Variants in YWHAQ observed in about 807,000 individuals in gnomAD.
The protein encoded by YWHAQ is tyrosine 3-monooxygenase/tryptophan 5-monooxygenase activation protein theta, also known as 14-3-3 protein theta.
A neutral mutation model predicts 28.3 loss-of-function variants in YWHAQ; 6 were observed. The observed-to-expected ratio is 0.21, with a 90% CI of 0.12 to 0.42. The LOEUF (loss-of-function observed/expected upper bound fraction) is 0.42, where lower values mean the gene tolerates loss of function less well. YWHAQ is among the 10% of genes least tolerant of loss of function. The pLI is 1.00. For missense variants in YWHAQ, 201 were observed against 305.6 expected (o/e 0.66, Z 2.55); for synonymous variants, 143 against 119.1 (o/e 1.20, Z -1.31).
At chr2:9,595,929 G>T (rs535950049) in intron 2 of YWHAQ, among the ~76,000 whole-genome samples, 1 of 152,120 alleles carries the variant, frequency 6.6e-6, no homozygotes, top group East Asian at 1.9e-4. Context: ...TCCTTTTTGA[G>T]AATTTGAAAA....
rs79986279 is a variant in YWHAQ at position 9,623,495 on chromosome 2, C to T, written c.294+6664G>A. Among the ~76,000 whole-genome samples, 605 of 152,276 alleles carry T rather than the reference C, an allele frequency of 4.0e-3. 5 individuals carry two copies. The highest frequency in any genetic ancestry group is 0.013 in the African/African-American group (544 of 41,552). ...CTGCATTAAAAGTCTGAACCACGGC[C>T]GGGTGCAGTGGCTCACGCCTATAAT... On this transcript the variant is annotated intron_variant, in intron 2 of 5. Coordinates refer to ENST00000238081, the MANE Select transcript of YWHAQ (RefSeq NM_006826.4).
chr2:9,602,424 A>G (rs1256575822), intron 2 of YWHAQ, among the ~76,000 whole-genome samples: 2 of 152,138 alleles, frequency 1.3e-5, no homozygotes, highest in East Asian at 3.9e-4. Context: ...CAATAAATAA[A>G]TAAATAAAAA....
chr2:9,596,803 A>G (rs953782133), intron 2 of YWHAQ, among the ~76,000 whole-genome samples: 6 of 152,076 alleles, frequency 3.9e-5, no homozygotes, highest in African/African-American at 1.4e-4. Flanking sequence ...TCCCGGTTCA[A>G]GCGATTCTTT....
intron 2 of YWHAQ, among the ~76,000 whole-genome samples, chr2:9,605,432 C>G (rs1666804406): frequency 6.6e-6 from 1 of 152,164 alleles, no homozygotes; most frequent in African/African-American, 2.4e-5. Context: ...CACCACACCC[C>G]AGCCTCTGCT....
intron 2 of YWHAQ, among the ~76,000 whole-genome samples, chr2:9,610,963 T>C (rs1488725115): frequency 1.3e-5 from 2 of 152,184 alleles, no homozygotes; most frequent in African/African-American, 4.8e-5. Flanking sequence ...TCTCCCTGCC[T>C]TCTATATTTA....
chr2:9,620,595 A>C (rs1428806730), intron 2 of YWHAQ: 1 of 152,212 alleles, frequency 6.6e-6, no homozygotes, highest in African/African-American at 2.4e-5. Flanking sequence ...TATTAACTTC[A>C]TATTATCCTT....
intron 2 of YWHAQ, among the ~76,000 whole-genome samples, chr2:9,609,679 A>G (rs1481206532): frequency 6.6e-6 from 1 of 152,250 alleles, no homozygotes; most frequent in Non-Finnish European, 1.5e-5. Flanking sequence ...CATTACCATA[A>G]AGGAAGAAAC....
In YWHAQ at chr2:9,630,859, C is replaced by G. The variant is rs1297107004; in HGVS notation, c.-83+82G>C. 1.3e-5 allele frequency: 2 copies of G among 152,588 alleles called. No individual in the cohort carries two copies. The highest frequency in any genetic ancestry group is 4.8e-5 in the African/African-American group (2 of 41,450). The allele number at this position is 152,588 out of a possible 1,614,324, so 9.5% of individuals were successfully genotyped here. ...TGAGGGGAGCGGCATCGACAACCGG[C>G]TGCTCTCAAGGGCGGCACCTCCGCC... On this transcript the variant is annotated intron_variant, in intron 1 of 5. Transcript: ENST00000238081. The surrounding 1 kb of genome is among the most constrained non-coding windows in gnomAD (Gnocchi z 5.6).
Position 9,588,211 on chromosome 2 carries a change from T to C in YWHAQ, c.536A>G (p.Tyr179Cys), listed in dbSNP as rs1464445429. 5.0e-6 allele frequency: 8 copies of C among 1,593,576 alleles called. No individual in the cohort carries two copies. The highest frequency in any genetic ancestry group is 3.7e-5 in the Admixed American group (2 of 54,490). Residue 179 changes from tyrosine to cysteine, a missense_variant, in exon 4 of 6, where the codon TAT becomes TGT. Physicochemically the swap from Tyr to Cys is radical, Grantham distance 194. Transcript: ENST00000238081. ...AAGCTCTGGGTTATTAAGAATCTCATAGTAAAATACAGAAAAGTTAAGAGC... is the reference window on the plus strand; with the variant it reads ...AAGCTCTGGGTTATTAAGAATCTCACAGTAAAATACAGAAAAGTTAAGAGC... Reference protein sequence around the residue: ...GLALNFSVFYYEILNNPELAC... With the variant: ...GLALNFSVFYCEILNNPELAC...
rs534142815 is a variant in YWHAQ at position 9,609,073 on chromosome 2, A to G, written c.295-17558T>C. 4.6e-5 allele frequency among the ~76,000 whole-genome samples: 7 copies of G among 152,370 alleles called. No homozygotes were observed. In the South Asian group the frequency reaches 1.4e-3, roughly 32 times the overall value. ...TTTAAAACTGTGTATAATAAAACAT[A>G]AATATGCTGAAAATAATTAAATAAT... On this transcript the variant is annotated intron_variant, in intron 2 of 5. Coordinates refer to ENST00000238081, the MANE Select transcript of YWHAQ (RefSeq NM_006826.4).
chr2:9,604,871 A>G (rs777559960), intron 2 of YWHAQ, among the ~76,000 whole-genome samples: 1 of 152,224 alleles, frequency 6.6e-6, no homozygotes, highest in Non-Finnish European at 1.5e-5. Context: ...GATGAACTCA[A>G]TAAAAATGTT....
At chr2:9,606,018 T>C (rs1666819888) in intron 2 of YWHAQ, among the ~76,000 whole-genome samples, 1 of 152,154 alleles carries the variant, frequency 6.6e-6, no homozygotes. Flanking sequence ...AGCTGCCTCA[T>C]TCTATATATA....
intron 2 of YWHAQ, among the ~76,000 whole-genome samples, chr2:9,593,027 C>T (rs1031560060): frequency 1.3e-5 from 2 of 152,086 alleles, no homozygotes; most frequent in Non-Finnish European, 1.5e-5. Flanking sequence ...ACCACAGATA[C>T]GCTCAGTTAA....
intron 2 of YWHAQ, among the ~76,000 whole-genome samples, chr2:9,605,140 C>T (rs1182022367): frequency 2.1e-4 from 29 of 138,408 alleles, no homozygotes; most frequent in African/African-American, 3.2e-4. Flanking sequence ...TCTGTTCTCT[C>T]TTTTTTTTTT....
At chr2:9,617,601 G>A (rs1035370973) in intron 2 of YWHAQ, among the ~76,000 whole-genome samples, 2 of 152,088 alleles carry the variant, frequency 1.3e-5, no homozygotes, top group African/African-American at 4.8e-5. Flanking sequence ...GGGTTAAAAC[G>A]CTAACTTTTA....
At chr2:9,589,830 T>C (rs1035655590) in intron 3 of YWHAQ, among the ~76,000 whole-genome samples, 4 of 152,206 alleles carry the variant, frequency 2.6e-5, no homozygotes, top group African/African-American at 9.6e-5. Context: ...TGTTCAGTAT[T>C]ACCAACACTA....
intron 2 of YWHAQ, among the ~76,000 whole-genome samples, chr2:9,628,539 T>G (rs1667292062): frequency 6.6e-6 from 1 of 152,222 alleles, no homozygotes; most frequent in Non-Finnish European, 1.5e-5. Context: ...GGTAACTAAT[T>G]GAAAAGCAAT....
At chr2:9,615,666 G>A (rs1224273756) in intron 2 of YWHAQ, among the ~76,000 whole-genome samples, 11 of 152,076 alleles carry the variant, frequency 7.2e-5, no homozygotes, top group Non-Finnish European at 5.9e-5. Flanking sequence ...CAGATAAAAG[G>A]GAGCACACTG....
At chr2:9,609,090 TTAAA>T (rs1232301820) in intron 2 of YWHAQ, among the ~76,000 whole-genome samples, 4 of 152,320 alleles carry the variant, frequency 2.6e-5, no homozygotes, top group South Asian at 2.1e-4. Flanking sequence ...CTGAAAATAA[TTAAA>T]TAATCTTTTA....
Sources: allele counts gnomAD v4.1 joint callset (sites outside exome capture counted in the v4.1 genomes callset), GRCh38; gene constraint gnomAD v4.1.1; non-coding constraint Gnocchi (gnomAD v3.1); transcripts MANE v1.5; gene names NCBI Gene and HGNC (gene_info 2026-07-23, HGNC 2026-07-21).